CNN2: variants seen among roughly 807,000 people sequenced by gnomAD.
CNN2 encodes calponin 2, also known as calponin-2.
CNN2 carries 21 observed loss-of-function variants against 31.0 expected under a neutral mutation model. That is an observed-to-expected ratio of 0.68 (90% confidence interval 0.48 to 0.98). The LOEUF (loss-of-function observed/expected upper bound fraction) is 0.98. CNN2 is among the 50% of genes least tolerant of loss of function. CNN2 has a pLI of 0.00. For missense variants in CNN2, 399 were observed against 427.3 expected (o/e 0.93, Z 0.58); for synonymous variants, 165 against 179.6 (o/e 0.92, Z 0.65).
At position 1,032,618 on chromosome 19, in the gene CNN2, C is replaced by T. The variant is rs757198335; in HGVS notation, c.312C>T (p.Asp104=). 5.0e-6 allele frequency: 8 copies of T among 1,612,916 alleles called. No homozygotes were observed. The East Asian group carries it at 1.3e-4, about 27-fold the overall frequency. ...AMVSYGMNPV[D]LFEANDLFES... is the part of the protein sequence containing the mutation. ...TCAGCTACGGCATGAACCCTGTGGA[C>T]CTGTTCGAGGCCAACGACCTGTTTG... Residue 104 remains aspartate, a synonymous_variant, in exon 4 of 7, where the codon GAC becomes GAT. Coordinates refer to ENST00000263097, the MANE Select transcript of CNN2 (RefSeq NM_004368.4).
intron 6 of CNN2, 90 bp from the exon 7 acceptor site, chr19:1,037,535 G>A: frequency 6.6e-7 from 1 of 1,514,518 alleles, no homozygotes; most frequent in Non-Finnish European, 9.0e-7. Context: ...GCCTCCCAAA[G>A]TGCTGGGATT....
intron 1 of CNN2, 195 bp downstream of exon 1, chr19:1,026,919 G>A (rs1300952100): frequency 3.6e-6 from 2 of 551,494 alleles, no homozygotes. Context: ...GAATCTTGGG[G>A]AGCACCCAGG....
Position 1,036,322 on chromosome 19 carries a change from G to A in CNN2, c.507+76G>A, listed in dbSNP as rs1471952192. On this transcript the variant is annotated intron_variant, in intron 5 of 6. Coordinates refer to ENST00000263097, the MANE Select transcript of CNN2 (RefSeq NM_004368.4). ...GTGTTGGGGGACAGCAGCATTGGGG[G>A]ACAGCGGCATGGAGCCCTGTGGTCC... is the stretch of plus-strand genomic sequence containing the variant. The A allele has an allele frequency of 3.2e-6, 5 of 1,573,066 alleles. No individual in the cohort carries two copies. The East Asian group carries it at 1.1e-4, about 35-fold the overall frequency.
chr19:1,033,768 G>C lies in CNN2; in HGVS notation c.390+1072G>C, dbSNP rs867825541. On this transcript the variant is annotated intron_variant, in intron 4 of 6. Coordinates refer to ENST00000263097, the MANE Select transcript of CNN2 (RefSeq NM_004368.4). ...GGGGAGCGTGGGTGGGACGGTGTCT[G>C]GTGTAGACCGGGAGCGTGGGTGGGA... Among the ~76,000 whole-genome samples the C allele has an allele frequency of 5.2e-4, 39 of 75,536 alleles. 2 individuals carry two copies. Among genetic ancestry groups the C allele is most frequent in the African/African-American group, 2.2e-3 (38 of 17,566 alleles). The allele number at this position is 75,536 out of a possible 152,430, so 49.6% of individuals were successfully genotyped here.
chr19:1,038,677 G>C lies in CNN2; in HGVS notation c.*777G>C, dbSNP rs910240218. 2 of 152,212 alleles carry C rather than the reference G, an allele frequency of 1.3e-5. No individual in the cohort carries two copies. The highest frequency in any genetic ancestry group is 1.5e-5 in the Non-Finnish European group (1 of 68,070). The allele number at this position is 152,212 out of a possible 1,614,324, so 9.4% of individuals were successfully genotyped here. ...GCACCTCCACCTTCCGGGCTCAAGCGATTCTCCAGCCTCAGCCTCCTGAGT... is the reference window on the plus strand; with the variant it reads ...GCACCTCCACCTTCCGGGCTCAAGCCATTCTCCAGCCTCAGCCTCCTGAGT... On this transcript the variant is annotated 3_prime_UTR_variant, in exon 7 of 7. Transcript: ENST00000263097.
At chr19:1,033,239 C>T (rs372818744) in intron 4 of CNN2, among the ~76,000 whole-genome samples, 28 of 151,692 alleles carry the variant, frequency 1.8e-4, no homozygotes, top group Non-Finnish European at 2.8e-4. Context: ...AAGCTCTGGC[C>T]GGGCGCAGTG....
chr19:1,027,417 G>A (rs1274415404), intron 1 of CNN2, among the ~76,000 whole-genome samples: 1 of 152,254 alleles, frequency 6.6e-6, no homozygotes, highest in African/African-American at 2.4e-5. Context: ...GCTCACGCCC[G>A]TAATCCCAGC....
rs201423801 is a variant in CNN2, at chr19:1,031,052, G to A, written c.64-19G>A. 1.0e-4 allele frequency: 162 copies of A among 1,608,142 alleles called. No individual in the cohort carries two copies. The highest frequency in any genetic ancestry group is 1.3e-4 in the Non-Finnish European group (154 of 1,176,856). On this transcript the variant is annotated intron_variant, in intron 1 of 6. Transcript: ENST00000263097. ...GGTGCCCCCAGCCCAGCTCAGTCTC[G>A]TGCCCTTTGCTCCACCAGCTCCTGT...
intron 1 of CNN2, among the ~76,000 whole-genome samples, chr19:1,027,611 G>A (rs34697645): frequency 0.019 from 2,873 of 152,302 alleles, 64 homozygotes; most frequent in East Asian, 0.11. Context: ...TCACACAGCA[G>A]GGTCCTGGAC....
intron 2 of CNN2, 139 bp downstream of exon 2, chr19:1,031,331 A>AG (rs2039489690): frequency 2.8e-4 from 3 of 10,762 alleles, no homozygotes; most frequent in African/African-American, 1.0e-3. Context: ...TTGGAGGCCG[A>AG]GGGTGGTGGC....
intron 4 of CNN2, 121 bp from the exon 5 acceptor site, chr19:1,036,009 G>A (rs2039575735): frequency 1.4e-6 from 2 of 1,412,306 alleles, no homozygotes; most frequent in East Asian, 5.2e-5. Context: ...TGCCTGTGGG[G>A]GCTCTGCGCG....
At chr19:1,029,061 T>C (rs1300157092) in intron 1 of CNN2, among the ~76,000 whole-genome samples, 3 of 143,716 alleles carry the variant, frequency 2.1e-5, no homozygotes, top group Admixed American at 2.1e-4. Context: ...CAGGGGACCC[T>C]AACCCAAATC....
rs112408762 is a variant in CNN2, at chr19:1,032,832, G to C, written c.390+136G>C. On this transcript the variant is annotated intron_variant, in intron 4 of 6. Coordinates refer to ENST00000263097, the MANE Select transcript of CNN2 (RefSeq NM_004368.4). ...CTCACTCTGTCACTCAGGCTGGAGT[G>C]CAATGGCGTGATCTCAGCTCACTGC... 3.0e-3 allele frequency: 2,081 copies of C among 690,138 alleles called. 36 individuals carry two copies. The African/African-American group carries it at 0.033, about 11-fold the overall frequency. The allele number at this position is 690,138 out of a possible 1,614,324, so 42.8% of individuals were successfully genotyped here. A position where few individuals can be genotyped will look rare whatever the true frequency, so the allele number is the denominator to read the frequency against.
intron 1 of CNN2, 154 bp downstream of exon 1, chr19:1,026,878 G>C: frequency 1.4e-6 from 1 of 697,210 alleles, no homozygotes; most frequent in Non-Finnish European, 2.3e-6. Context: ...CTGGTGGGGG[G>C]ATGTCTGCGG....
intron 2 of CNN2, 141 bp from the exon 3 acceptor site, chr19:1,032,251 A>AAAAAG: frequency 2.3e-6 from 2 of 882,628 alleles, no homozygotes; most frequent in Non-Finnish European, 3.5e-6. Context: ...AAAAAAAAAA[A>AAAAAG]GAGTGGAAAC....
At chr19:1,036,299 G>A in intron 5 of CNN2, 53 bp downstream of exon 5, 4 of 1,568,584 alleles carry the variant, frequency 2.6e-6, no homozygotes, top group Non-Finnish European at 3.5e-6. Context: ...GGACCACGGT[G>A]TTGGGGGACA....
At position 1,031,165 on chromosome 19, in the gene CNN2, G is replaced by A; in HGVS notation, c.158G>A (p.Gly53Asp). The A allele has an allele frequency of 6.2e-7, 1 of 1,613,210 alleles. No individual in the cohort carries two copies. Among genetic ancestry groups the A allele is most frequent in the South Asian group, 1.1e-5 (1 of 91,080 alleles). ...TCCATCGGCCCCGACTTCCAGAAGGGCCTGAAGGATGGAACTATCTTATGC... is the reference window on the plus strand; with the variant it reads ...TCCATCGGCCCCGACTTCCAGAAGGACCTGAAGGATGGAACTATCTTATGC... The part of the protein sequence containing the change: ...GLSIGPDFQK[G>D]LKDGTILCTL... The change falls in exon 2 of 7, where the codon GGC becomes GAC. Residue 53 changes from glycine (G) to aspartate (D), a missense_variant. Transcript: ENST00000263097.
At chr19:1,028,108 C>T (rs1033424148) in intron 1 of CNN2, among the ~76,000 whole-genome samples, 1 of 152,164 alleles carries the variant, frequency 6.6e-6, no homozygotes, top group Admixed American at 6.5e-5. Context: ...CTAAGGGCAC[C>T]GGTGTCCACA....
At position 1,028,383 on chromosome 19, in the gene CNN2, C is replaced by T. The variant is rs936577773; in HGVS notation, c.63+1659C>T. Among the ~76,000 whole-genome samples, 4 of 152,214 alleles carry T rather than the reference C, an allele frequency of 2.6e-5. No homozygotes were observed. The South Asian group carries it at 8.3e-4, about 32-fold the overall frequency. ...GTTTGGAGGGTGGGCGAGGCGTCGGCCAGCTTGCCAGGGTCACGGAAGGGT... is the reference window on the plus strand; with the variant it reads ...GTTTGGAGGGTGGGCGAGGCGTCGGTCAGCTTGCCAGGGTCACGGAAGGGT... On this transcript the variant is annotated intron_variant, in intron 1 of 6. Coordinates refer to ENST00000263097, the MANE Select transcript of CNN2 (RefSeq NM_004368.4).
Sources: allele counts gnomAD v4.1 joint callset (sites outside exome capture counted in the v4.1 genomes callset), GRCh38; gene constraint gnomAD v4.1.1; transcripts MANE v1.5; gene names NCBI Gene and HGNC (gene_info 2026-07-23, HGNC 2026-07-21).